Variants in CNTNAP5 observed in about 807,000 individuals in gnomAD.
CNTNAP5 encodes the protein contactin associated protein family member 5.
CNTNAP5 carries 72 observed loss-of-function variants against 150.2 expected under a neutral mutation model. That is an observed-to-expected ratio of 0.48 (90% CI 0.40 to 0.58). The LOEUF (loss-of-function observed/expected upper bound fraction) is 0.58. CNTNAP5 is among the 20% of genes least tolerant of loss of function. CNTNAP5 has a pLI of 0.00. For missense variants in CNTNAP5, 1,636 were observed against 1,626.2 expected (o/e 1.01, Z -0.10); for synonymous variants, 672 against 619.8 (o/e 1.08, Z -1.25).
chr2:124,450,173 C>G (rs1369243926), intron 6 of CNTNAP5, among the ~76,000 whole-genome samples: 3 of 151,880 alleles, frequency 2.0e-5, no homozygotes, highest in Non-Finnish European at 4.4e-5. Context: ...ACAGTCGTGT[C>G]TTTGTGTGCC....
At chr2:124,679,584 G>A (rs888486580) in intron 13 of CNTNAP5, among the ~76,000 whole-genome samples, 3 of 144,712 alleles carry the variant, frequency 2.1e-5, no homozygotes, top group Non-Finnish European at 3.0e-5. Flanking sequence ...TTTTTTTTTT[G>A]GAGCGGGGAG....
intron 13 of CNTNAP5, among the ~76,000 whole-genome samples, chr2:124,648,915 G>T (rs1161382837): frequency 6.6e-6 from 1 of 152,080 alleles, no homozygotes; most frequent in Non-Finnish European, 1.5e-5. Context: ...GGGAAAAAAT[G>T]GAGAATAAAA....
chr2:124,057,092 C>T (rs558756184), intron 1 of CNTNAP5, among the ~76,000 whole-genome samples: 39 of 152,168 alleles, frequency 2.6e-4, no homozygotes, highest in African/African-American at 9.4e-4. Context: ...CCCATTAAAC[C>T]AACCGACATC....
chr2:124,346,481 A>C (rs536151493), intron 3 of CNTNAP5, among the ~76,000 whole-genome samples: 1 of 152,320 alleles, frequency 6.6e-6, no homozygotes, highest in East Asian at 1.9e-4. Flanking sequence ...CTTCTAAATG[A>C]AATGCAAGAG....
At chr2:124,840,259 G>A (rs1024579778) in intron 19 of CNTNAP5, among the ~76,000 whole-genome samples, 2 of 152,022 alleles carry the variant, frequency 1.3e-5, no homozygotes, top group African/African-American at 4.8e-5. Flanking sequence ...TATCAGGTAT[G>A]GTGGAGGAAG....
At position 124,666,675 on chromosome 2, in the gene CNTNAP5, G is replaced by A. The variant is rs575329374; in HGVS notation, c.2077+18717G>A. On this transcript the variant is annotated intron_variant, in intron 13 of 23. Coordinates refer to ENST00000682447, the MANE Select transcript of CNTNAP5 (RefSeq NM_001367498.1). ...TTATTTTTGTTTACAGTATAAAATG[G>A]TACACCACTATGCACTGTTGACATA... 6.6e-5 allele frequency among the ~76,000 whole-genome samples: 10 copies of A among 152,210 alleles called. No homozygotes were observed. In the East Asian group the frequency reaches 1.2e-3, roughly 18 times the overall value.
chr2:124,832,325 T>C (rs1014150078), intron 19 of CNTNAP5, among the ~76,000 whole-genome samples: 3 of 152,136 alleles, frequency 2.0e-5, no homozygotes, highest in Admixed American at 6.6e-5. Context: ...CTTAGTACCA[T>C]ATGACACAAC....
At chr2:124,530,106 G>T (rs1382599076) in intron 10 of CNTNAP5, among the ~76,000 whole-genome samples, 1 of 152,258 alleles carries the variant, frequency 6.6e-6, no homozygotes, top group Admixed American at 6.5e-5. Context: ...GAAGCCAGAA[G>T]TTCGAGATCA....
chr2:124,321,921 G>GT (rs1689108634), intron 3 of CNTNAP5, among the ~76,000 whole-genome samples: 1 of 152,098 alleles, frequency 6.6e-6, no homozygotes, highest in Non-Finnish European at 1.5e-5. Context: ...AAGCCAAGGT[G>GT]GGTGGATCAC....
chr2:124,796,147 C>G (rs753716395), intron 18 of CNTNAP5, among the ~76,000 whole-genome samples: 1 of 152,016 alleles, frequency 6.6e-6, no homozygotes, highest in Non-Finnish European at 1.5e-5. Context: ...TTAAAAATAA[C>G]TAGAACTGGG....
chr2:124,697,295 C>T (rs1042844412), intron 13 of CNTNAP5, among the ~76,000 whole-genome samples: 8 of 152,024 alleles, frequency 5.3e-5, no homozygotes, highest in Non-Finnish European at 1.0e-4. Flanking sequence ...TACCTTAGTT[C>T]CTACCCAATG....
At chr2:124,664,926 A>G (rs1333156944) in intron 13 of CNTNAP5, among the ~76,000 whole-genome samples, 1 of 152,114 alleles carries the variant, frequency 6.6e-6, no homozygotes, top group Non-Finnish European at 1.5e-5. Context: ...ACGTCAGGTG[A>G]TCCACCCGCC....
chr2:124,153,250 A>G (rs1053281916), intron 1 of CNTNAP5, among the ~76,000 whole-genome samples: 3 of 152,212 alleles, frequency 2.0e-5, no homozygotes, highest in Non-Finnish European at 2.9e-5. Context: ...GAAGTGGGGC[A>G]CACACAGTAA....
intron 13 of CNTNAP5, among the ~76,000 whole-genome samples, chr2:124,719,269 C>T (rs566918968): frequency 2.0e-3 from 297 of 152,302 alleles, no homozygotes; most frequent in African/African-American, 6.6e-3. Flanking sequence ...CCTCCTACAA[C>T]GACCAGCAAA....
In CNTNAP5 at chr2:124,190,552, A is replaced by G. The variant is rs766540426; in HGVS notation, c.83-31153A>G. Among the ~76,000 whole-genome samples, 7 of 152,154 alleles carry G rather than the reference A, an allele frequency of 4.6e-5. No individual in the cohort carries two copies. The South Asian group carries it at 6.2e-4, about 14-fold the overall frequency. On this transcript the variant is annotated intron_variant, in intron 1 of 23. Coordinates refer to ENST00000682447, the MANE Select transcript of CNTNAP5 (RefSeq NM_001367498.1). ...CAACCACTTCCTGGTATTTCAATTAATTAAAAATTTATGTAGAAAAAGAAA... is the reference window on the plus strand; with the variant it reads ...CAACCACTTCCTGGTATTTCAATTAGTTAAAAATTTATGTAGAAAAAGAAA...
intron 1 of CNTNAP5, among the ~76,000 whole-genome samples, chr2:124,100,373 C>T (rs1466613660): frequency 6.6e-6 from 1 of 152,158 alleles, no homozygotes; most frequent in Non-Finnish European, 1.5e-5. Context: ...GACAAATATA[C>T]AAACTATATC....
At chr2:124,865,138 A>G (rs1264107775) in intron 19 of CNTNAP5, among the ~76,000 whole-genome samples, 168 bp from the exon 20 acceptor site, 3 of 151,990 alleles carry the variant, frequency 2.0e-5, no homozygotes, top group Non-Finnish European at 4.4e-5. Context: ...CTCTCTTCAG[A>G]ATTTTCTTTA....
intron 3 of CNTNAP5, among the ~76,000 whole-genome samples, chr2:124,414,178 A>C (rs1327242361): frequency 1.4e-5 from 2 of 148,118 alleles, no homozygotes; most frequent in South Asian, 4.2e-4. Flanking sequence ...CACATGTTAC[A>C]TTCAACAACT....
chr2:124,536,232 A>G (rs913236012), intron 10 of CNTNAP5, among the ~76,000 whole-genome samples: 4 of 152,306 alleles, frequency 2.6e-5, no homozygotes, highest in Non-Finnish European at 5.9e-5. Context: ...GGGGAAAAAA[A>G]GTTATATTTT....
Sources: allele counts gnomAD v4.1 joint callset (sites outside exome capture counted in the v4.1 genomes callset), GRCh38; gene constraint gnomAD v4.1.1; transcripts MANE v1.5; gene names NCBI Gene and HGNC (gene_info 2026-07-23, HGNC 2026-07-21).